EXOC6B: variants seen among roughly 807,000 people sequenced by gnomAD.
The protein encoded by EXOC6B is SEC15 homolog B.
Under a neutral mutation model 113.5 loss-of-function variants are expected in EXOC6B, and 54 were observed. The ratio of observed to expected loss-of-function variants is 0.48; its 90% CI spans 0.38 to 0.60. The LOEUF (loss-of-function observed/expected upper bound fraction) is 0.60, where lower values mean the gene tolerates loss of function less well. EXOC6B is among the 20% of genes least tolerant of loss of function. The probability of loss-of-function intolerance (pLI) is 0.00; values close to 1 mark genes in which losing one functional copy is unlikely to be tolerated. For missense variants in EXOC6B, 797 were observed against 977.5 expected (o/e 0.82, Z 2.46); for synonymous variants, 357 against 339.0 (o/e 1.05, Z -0.58).
chr2:72,317,410 G>A (rs1687584705), intron 20 of EXOC6B, among the ~76,000 whole-genome samples: 2 of 151,916 alleles, frequency 1.3e-5, no homozygotes, highest in South Asian at 4.2e-4. Flanking sequence ...ATGCCACACA[G>A]AAAGACAGAA....
chr2:72,662,403 T>A (rs1287171603), intron 6 of EXOC6B, among the ~76,000 whole-genome samples: 2 of 152,044 alleles, frequency 1.3e-5, no homozygotes, highest in African/African-American at 2.4e-5. Flanking sequence ...TATCTGCAAA[T>A]CACATATCTG....
At chr2:72,737,809 G>A (rs1271852807) in intron 2 of EXOC6B, among the ~76,000 whole-genome samples, 4 of 152,122 alleles carry the variant, frequency 2.6e-5, no homozygotes, top group South Asian at 2.1e-4. Flanking sequence ...CCAAGATCAC[G>A]CTGCTGCACT....
At chr2:72,636,997 G>C (rs1672884321) in intron 6 of EXOC6B, among the ~76,000 whole-genome samples, 1 of 148,820 alleles carries the variant, frequency 6.7e-6, no homozygotes, top group African/African-American at 2.5e-5. Flanking sequence ...GATAGCAAAA[G>C]ACCAATTTCA....
rs1677875658 is a variant in EXOC6B, at chr2:72,178,527, G to C, written c.*808C>G. ...TGCTCTGACTGTAAGTGAAGGAAAT[G>C]AGATGAACAGGGAAGGGATTGGGTC... is the stretch of plus-strand genomic sequence containing the variant. On this transcript the variant is annotated 3_prime_UTR_variant, in exon 22 of 22. Transcript: ENST00000272427. The C allele has an allele frequency of 6.6e-6, 1 of 152,174 alleles. No individual in the cohort carries two copies. The highest frequency in any genetic ancestry group is 2.4e-5 in the African/African-American group (1 of 41,430). 9.4% of individuals were successfully genotyped at this position (152,174 alleles called of 1,614,324 possible).
chr2:72,436,613 T>C (rs187957412), intron 18 of EXOC6B, among the ~76,000 whole-genome samples: 236 of 152,214 alleles, frequency 1.6e-3, no homozygotes, highest in African/African-American at 5.0e-3. Flanking sequence ...ATTCTTTTTT[T>C]CTCTAATCTT....
At chr2:72,479,345 T>G (rs1432831947) in intron 17 of EXOC6B, among the ~76,000 whole-genome samples, 1 of 152,200 alleles carries the variant, frequency 6.6e-6, no homozygotes, top group East Asian at 1.9e-4. Flanking sequence ...CCAAAAATTT[T>G]TATCTGTCAT....
intron 20 of EXOC6B, among the ~76,000 whole-genome samples, chr2:72,317,630 A>G (rs1265956229): frequency 6.6e-6 from 1 of 151,862 alleles, no homozygotes; most frequent in Non-Finnish European, 1.5e-5. Context: ...AATGATAAGC[A>G]GTATAAACAC....
intron 1 of EXOC6B, among the ~76,000 whole-genome samples, chr2:72,750,352 CTG>C (rs1231797973): frequency 6.6e-6 from 1 of 152,040 alleles, no homozygotes; most frequent in Non-Finnish European, 1.5e-5. Context: ...ATTGGATACA[CTG>C]TGAAAAACAT....
At chr2:72,559,397 G>A (rs1392832861) in intron 8 of EXOC6B, 56 bp downstream of exon 8, 7 of 1,268,122 alleles carry the variant, frequency 5.5e-6, no homozygotes. Flanking sequence ...AGTTGAGAGA[G>A]CAAAGTTTTG....
intron 20 of EXOC6B, among the ~76,000 whole-genome samples, chr2:72,311,854 T>G (rs1253343387): frequency 6.6e-6 from 1 of 152,180 alleles, no homozygotes; most frequent in Non-Finnish European, 1.5e-5. Context: ...AAAGAAAGTC[T>G]GAGAAGGAGC....
At chr2:72,422,202 A>C (rs1468518439) in intron 18 of EXOC6B, among the ~76,000 whole-genome samples, 1 of 152,230 alleles carries the variant, frequency 6.6e-6, no homozygotes, top group African/African-American at 2.4e-5. Flanking sequence ...CCAAGGGCTG[A>C]GGAATGCAAG....
At chr2:72,792,441 C>T (rs1227078082) in intron 1 of EXOC6B, among the ~76,000 whole-genome samples, 1 of 152,172 alleles carries the variant, frequency 6.6e-6, no homozygotes, top group Non-Finnish European at 1.5e-5. Flanking sequence ...TCAGTAGCAT[C>T]CAAATGTTTC....
chr2:72,248,052 T>C (rs2104532707), intron 20 of EXOC6B, among the ~76,000 whole-genome samples: 1 of 152,308 alleles, frequency 6.6e-6, no homozygotes, highest in Non-Finnish European at 1.5e-5. Flanking sequence ...AAGGTTATGC[T>C]CTGGGATATT....
At chr2:72,765,170 C>G (rs1182050018) in intron 1 of EXOC6B, among the ~76,000 whole-genome samples, 1 of 152,062 alleles carries the variant, frequency 6.6e-6, no homozygotes, top group Non-Finnish European at 1.5e-5. Context: ...GTGGCACATG[C>G]CTGTAGTCCC....
intron 6 of EXOC6B, among the ~76,000 whole-genome samples, chr2:72,622,405 T>G (rs150304748): frequency 1.4e-3 from 209 of 152,214 alleles, no homozygotes; most frequent in Admixed American, 2.7e-3. Context: ...TAAAAGAAAG[T>G]GAACATTCTG....
intron 6 of EXOC6B, among the ~76,000 whole-genome samples, chr2:72,619,343 A>T (rs1293360193): frequency 2.0e-5 from 3 of 152,204 alleles, no homozygotes; most frequent in Non-Finnish European, 4.4e-5. Context: ...CAAAAGCATT[A>T]TACCTAATTA....
At chr2:72,592,322 G>T in intron 6 of EXOC6B, among the ~76,000 whole-genome samples, 1 of 152,134 alleles carries the variant, frequency 6.6e-6, no homozygotes. Flanking sequence ...AATGCCAAAG[G>T]ATTAGAAAAT....
At position 72,748,458 on chromosome 2, in the gene EXOC6B, C is replaced by A. The variant is rs189613072; in HGVS notation, c.114-6989G>T. On this transcript the variant is annotated intron_variant, in intron 1 of 21. Transcript: ENST00000272427. ...AGTTTGTCTATCAGTTTAATTCCAA[C>A]CTTAGTATTGTAATCTGGATGCTCT... 7.9e-5 allele frequency among the ~76,000 whole-genome samples: 12 copies of A among 152,140 alleles called. No individual in the cohort carries two copies. In the East Asian group the frequency reaches 1.9e-3, roughly 24 times the overall value.
chr2:72,697,195 T>C (rs1209592336), intron 6 of EXOC6B, among the ~76,000 whole-genome samples: 2 of 151,894 alleles, frequency 1.3e-5, no homozygotes, highest in African/African-American at 4.8e-5. Flanking sequence ...TGGCAGCCCA[T>C]AATCAAAAAG....
Sources: allele counts gnomAD v4.1 joint callset (sites outside exome capture counted in the v4.1 genomes callset), GRCh38; gene constraint gnomAD v4.1.1; transcripts MANE v1.5; gene names NCBI Gene and HGNC (gene_info 2026-07-23, HGNC 2026-07-21).